CEP41: variants seen among roughly 807,000 people sequenced by gnomAD.
The protein encoded by CEP41 is centrosomal protein of 41 kDa.
A neutral mutation model predicts 44.3 loss-of-function variants in CEP41; 32 were observed. That is an observed-to-expected ratio of 0.72 (90% CI 0.54 to 0.97). The LOEUF (loss-of-function observed/expected upper bound fraction) is 0.97. Ranked by LOEUF, CEP41 falls within the 50% of genes least tolerant of loss-of-function variation. CEP41 has a pLI of 0.00. For synonymous variants in CEP41, 151 were observed against 168.5 expected, an observed-to-expected ratio of 0.90 and a Z score of 0.80; for missense variants, 432 against 455.2, an observed-to-expected ratio of 0.95 and a Z score of 0.46.
chr7:130,434,347 TA>T (rs1401290772), intron 1 of CEP41, among the ~76,000 whole-genome samples: 4 of 152,174 alleles, frequency 2.6e-5, no homozygotes, highest in Non-Finnish European at 4.4e-5. Flanking sequence ...AAAGTAAATA[TA>T]TTTTTTTTAA....
Position 130,398,960 on chromosome 7 carries a change from G to A in CEP41, c.1053C>T (p.Gly351=), listed in dbSNP as rs782191360. The change falls in exon 11 of 11, where the codon GGC becomes GGT. Residue 351 remains glycine (G), a synonymous_variant. Transcript: ENST00000223208. ...GGGGGTTTGAGTGGCTGGCGGGGCC[G>A]CCACCTGGCAGATTCTGAGCGCTTC... ...GARSAQNLPG[G]GPASHSNPRS... The A allele has an allele frequency of 2.7e-5, 43 of 1,614,052 alleles. No individual in the cohort carries two copies. The highest frequency in any genetic ancestry group is 3.3e-5 in the South Asian group (3 of 91,084).
intron 4 of CEP41, 51 bp from the exon 5 acceptor site, chr7:130,411,242 A>G: frequency 6.8e-7 from 1 of 1,473,074 alleles, no homozygotes; most frequent in Non-Finnish European, 9.5e-7. Flanking sequence ...TTTTAAACAG[A>G]CGCAATTTTG....
At chr7:130,417,056 A>T in intron 2 of CEP41, 90 bp from the exon 3 acceptor site, 1 of 1,353,848 alleles carries the variant, frequency 7.4e-7, no homozygotes, top group Non-Finnish European at 1.0e-6. Flanking sequence ...AGTATCCCCT[A>T]AGCTTTCCTA....
In CEP41 at chr7:130,440,971, T is replaced by G. The variant is rs2287371; in HGVS notation, c.-5A>C. The G allele has an allele frequency of 0.42, 681,311 of 1,611,662 alleles. 148,038 individuals are homozygous for G. The highest frequency in any genetic ancestry group is 0.67 in the East Asian group (29,835 of 44,846). On this transcript the variant is annotated 5_prime_UTR_variant, in exon 1 of 11. Coordinates refer to ENST00000223208, the MANE Select transcript of CEP41 (RefSeq NM_018718.3). ...AATGTGCCTCCGGAGGGACATATTTTCTCCAACCGACCACGTTCGGGGTTC... is the reference window on the plus strand; with the variant it reads ...AATGTGCCTCCGGAGGGACATATTTGCTCCAACCGACCACGTTCGGGGTTC...
intron 2 of CEP41, chr7:130,419,346 A>G (rs1797429946): frequency 2.0e-6 from 2 of 985,402 alleles, no homozygotes; most frequent in Non-Finnish European, 2.4e-6. Context: ...ACACAAAAAT[A>G]CCCCTAAAAA....
intron 1 of CEP41, among the ~76,000 whole-genome samples, chr7:130,430,752 C>G (rs992263115): frequency 1.6e-4 from 24 of 152,076 alleles, no homozygotes; most frequent in Non-Finnish European, 2.8e-4. Flanking sequence ...TTTCTGCACT[C>G]TGTATTTTTT....
chr7:130,440,893 G>A, intron 1 of CEP41, 41 bp downstream of exon 1: 3 of 1,606,106 alleles, frequency 1.9e-6, no homozygotes, highest in South Asian at 2.2e-5. Context: ...TTTCCGGTGC[G>A]CCCGCCCCCT....
chr7:130,440,786 GCCCC>G, intron 1 of CEP41, 144 bp downstream of exon 1: 3 of 224,410 alleles, frequency 1.3e-5, no homozygotes, highest in South Asian at 3.1e-5. Context: ...AGCCCGGCCC[GCCCC>G]GCCCCTGCAT....
At chr7:130,440,794 CCTGCAT>C in intron 1 of CEP41, 134 bp downstream of exon 1, 4 of 710,972 alleles carry the variant, frequency 5.6e-6, no homozygotes, top group Admixed American at 1.9e-5. Context: ...CCGCCCCGCC[CCTGCAT>C]CCCGACCCCT....
At chr7:130,411,761 A>T (rs1797187704) in intron 4 of CEP41, among the ~76,000 whole-genome samples, 1 of 152,210 alleles carries the variant, frequency 6.6e-6, no homozygotes, top group South Asian at 2.1e-4. Context: ...GAAGAAAGTG[A>T]CTTGCCCAAA....
At chr7:130,399,269 C>T in intron 10 of CEP41, 1 of 569,094 alleles carries the variant, frequency 1.8e-6, no homozygotes, top group Non-Finnish European at 3.1e-6. Flanking sequence ...TTTTTTTTCC[C>T]TTCCTCTCCA....
intron 1 of CEP41, among the ~76,000 whole-genome samples, chr7:130,432,034 C>G (rs1392536704): frequency 2.0e-5 from 3 of 152,090 alleles, no homozygotes; most frequent in Admixed American, 6.5e-5. Context: ...TACAGGACAG[C>G]CCCACCACAA....
At chr7:130,419,951 A>G (rs1269518317) in intron 2 of CEP41, 14 of 153,402 alleles carry the variant, frequency 9.1e-5, no homozygotes, top group Non-Finnish European at 1.6e-4. Context: ...ATGGGCACGT[A>G]CACACACACA....
Position 130,397,265 on chromosome 7 carries a change from A to C in CEP41, c.*1626T>G, listed in dbSNP as rs1160597030. Reference sequence around the variant, plus strand: ...GTGTACGTTGGCTGAATTTTATACAAGATTCTTGAATCTTGTGGAAAATTG... The same window carrying C: ...GTGTACGTTGGCTGAATTTTATACACGATTCTTGAATCTTGTGGAAAATTG... On this transcript the variant is annotated 3_prime_UTR_variant, in exon 11 of 11. Coordinates refer to ENST00000223208, the MANE Select transcript of CEP41 (RefSeq NM_018718.3). The C allele has an allele frequency of 6.6e-6, 3 of 454,568 alleles. No individual in the cohort carries two copies. The Admixed American group carries it at 7.0e-5, about 11-fold the overall frequency. The allele number at this position is 454,568 out of a possible 1,614,324, so 28.2% of individuals were successfully genotyped here. A position where few individuals can be genotyped will look rare whatever the true frequency, so the allele number is the denominator to read the frequency against.
intron 5 of CEP41, among the ~76,000 whole-genome samples, chr7:130,405,370 T>C (rs1796979400): frequency 6.6e-6 from 1 of 152,200 alleles, no homozygotes; most frequent in African/African-American, 2.4e-5. Context: ...ACTTGTATAT[T>C]TGGCAGACAT....
At chr7:130,400,500 C>A in intron 9 of CEP41, 1 of 637,620 alleles carries the variant, frequency 1.6e-6, no homozygotes, top group Non-Finnish European at 2.8e-6. Context: ...GGCTTTGTGA[C>A]AGAGCCCTGA....
rs892796181 is a variant in CEP41 at position 130,419,966 on chromosome 7, C to T, written c.98-3000G>A. On this transcript the variant is annotated intron_variant, in intron 2 of 10. Coordinates refer to ENST00000223208, the MANE Select transcript of CEP41 (RefSeq NM_018718.3). ...ATGGGCACGTACACACACACACACA[C>T]ACACACGTATGAATAATCTTTATCC... 2.4e-5 allele frequency: 24 copies of T among 985,208 alleles called. 1 individual carries two copies. The South Asian group carries it at 3.8e-4, about 15-fold the overall frequency. The allele number at this position is 985,208 out of a possible 1,614,324, so 61.0% of individuals were successfully genotyped here.
chr7:130,407,251 T>TAAAC (rs200570423), intron 5 of CEP41, among the ~76,000 whole-genome samples: 137 of 76,784 alleles, frequency 1.8e-3, no homozygotes, highest in African/African-American at 3.7e-3. Context: ...ATAACAAGAG[T>TAAAC]AAACACACAC....
At position 130,416,934 on chromosome 7, in the gene CEP41, C is replaced by G; in HGVS notation, c.130G>C (p.Glu44Gln). ...TGTTACTTACTTTTCTTAATCTCTT[C>G]GAGCTTCTCAGTATATTTAGTCATA... ...NSMTKYTEKLEEIKKNYRYKK... is the reference protein window; with the variant it reads ...NSMTKYTEKLQEIKKNYRYKK... The change falls in exon 3 of 11, where the codon GAA becomes CAA. Residue 44 changes from glutamate to glutamine, a missense_variant. By Grantham distance (29) the Glu-to-Gln change is conservative. Coordinates refer to ENST00000223208, the MANE Select transcript of CEP41 (RefSeq NM_018718.3). 6.3e-7 allele frequency: 1 copy of G among 1,591,116 alleles called. No individual in the cohort carries two copies. Among genetic ancestry groups the G allele is most frequent in the Non-Finnish European group, 8.6e-7 (1 of 1,159,106 alleles).
Sources: allele counts gnomAD v4.1 joint callset (sites outside exome capture counted in the v4.1 genomes callset), GRCh38; gene constraint gnomAD v4.1.1; transcripts MANE v1.5; gene names NCBI Gene and HGNC (gene_info 2026-07-23, HGNC 2026-07-21).